The following PKNOX2 variants were observed in gnomAD, a reference collection of about 807,000 sequenced individuals.
PKNOX2 encodes homeobox protein PKNOX2.
In PKNOX2, 14 loss-of-function variants were observed where a neutral mutation model predicts 53.1. The ratio of observed to expected loss-of-function variants is 0.26; its 90% CI spans 0.17 to 0.41. The LOEUF (loss-of-function observed/expected upper bound fraction) is 0.41, where lower values mean the gene tolerates loss of function less well. PKNOX2 is among the 10% of genes least tolerant of loss of function. The pLI, the probability that PKNOX2 is intolerant of heterozygous loss-of-function variation, is 1.00. For missense variants in PKNOX2, 496 were observed against 602.8 expected (o/e 0.82, Z 1.85); for synonymous variants, 257 against 242.8 (o/e 1.06, Z -0.54).
intron 2 of PKNOX2, among the ~76,000 whole-genome samples, chr11:125,244,533 C>T (rs997234755): frequency 2.0e-5 from 3 of 152,236 alleles, no homozygotes; most frequent in Non-Finnish European, 4.4e-5. Flanking sequence ...TTGTGTCTTG[C>T]CTGCTCTAGG....
At chr11:125,391,016 G>A (rs1185620400) in intron 6 of PKNOX2, among the ~76,000 whole-genome samples, 1 of 152,194 alleles carries the variant, frequency 6.6e-6, no homozygotes, top group Non-Finnish European at 1.5e-5. Context: ...AGCATTGGCA[G>A]GCACAGTGAC....
chr11:125,263,634 G>C (rs985970343), intron 2 of PKNOX2, among the ~76,000 whole-genome samples: 12 of 152,380 alleles, frequency 7.9e-5, no homozygotes, highest in African/African-American at 2.9e-4. Context: ...GCGCGGGAGG[G>C]GGAGAGCTGC....
intron 2 of PKNOX2, among the ~76,000 whole-genome samples, chr11:125,284,911 C>T (rs1193764421): frequency 2.0e-5 from 3 of 152,070 alleles, no homozygotes; most frequent in African/African-American, 4.8e-5. Context: ...TATGGGGGCA[C>T]CTCTTGGTCC....
chr11:125,223,190 C>G (rs1941387426), intron 1 of PKNOX2, among the ~76,000 whole-genome samples: 1 of 151,914 alleles, frequency 6.6e-6, no homozygotes, highest in Non-Finnish European at 1.5e-5. Context: ...CCCTCCATAC[C>G]TCAGTTTACC....
chr11:125,390,593 G>A (rs7115517), intron 6 of PKNOX2, among the ~76,000 whole-genome samples: 5,000 of 152,326 alleles, frequency 0.033, 204 homozygotes, highest in African/African-American at 0.094. Context: ...AGCCCCGAGT[G>A]TCTTCTTTGC....
intron 1 of PKNOX2, among the ~76,000 whole-genome samples, chr11:125,197,532 A>G (rs603882): frequency 0.22 from 33,696 of 152,046 alleles, 4,136 homozygotes; most frequent in Admixed American, 0.32. Flanking sequence ...CCCGGTCTTC[A>G]GTAGGAGTCC....
At chr11:125,187,831 G>A (rs1332019143) in intron 1 of PKNOX2, among the ~76,000 whole-genome samples, 2 of 152,176 alleles carry the variant, frequency 1.3e-5, no homozygotes, top group Admixed American at 6.5e-5. Flanking sequence ...CACTCCTAGC[G>A]GCCTGGGCCA....
chr11:125,271,847 G>A (rs1176718056), intron 2 of PKNOX2, among the ~76,000 whole-genome samples: 4 of 152,178 alleles, frequency 2.6e-5, no homozygotes, highest in Non-Finnish European at 5.9e-5. Flanking sequence ...GACTCCATTT[G>A]GAGCCATTGA....
intron 1 of PKNOX2, among the ~76,000 whole-genome samples, chr11:125,182,879 AGAATCCTGGGGCTTTAAGTGT>A (rs1468093076): frequency 6.6e-6 from 1 of 152,230 alleles, no homozygotes; most frequent in Non-Finnish European, 1.5e-5. Flanking sequence ...GCTGAGGGCC[AGAATCCTGGGGCTTTAAGTGT>A]GTCTTTTTCC....
chr11:125,369,833 C>A (rs946610404), intron 5 of PKNOX2, among the ~76,000 whole-genome samples: 6 of 152,214 alleles, frequency 3.9e-5, no homozygotes, highest in Non-Finnish European at 5.9e-5. Context: ...CCTCTGAAAA[C>A]TGCCCGACAG....
intron 1 of PKNOX2, among the ~76,000 whole-genome samples, chr11:125,194,969 G>A (rs971538040): frequency 1.6e-4 from 24 of 152,110 alleles, no homozygotes; most frequent in African/African-American, 5.8e-4. Flanking sequence ...ACGCTCTTAG[G>A]AGGCGGGCTC....
chr11:125,414,016 ACCCATCTCTGT>A (rs1364931535), intron 10 of PKNOX2, among the ~76,000 whole-genome samples: 3 of 152,020 alleles, frequency 2.0e-5, no homozygotes, highest in Admixed American at 6.5e-5. Flanking sequence ...CTGGAGGGTC[ACCCATCTCTGT>A]CCCTCCTGGT....
chr11:125,349,557 G>C (rs573097347), intron 3 of PKNOX2, among the ~76,000 whole-genome samples: 1 of 152,098 alleles, frequency 6.6e-6, no homozygotes, highest in East Asian at 1.9e-4. Flanking sequence ...TTAGCACCGG[G>C]GGAGCCATCC....
At chr11:125,246,917 A>C in intron 2 of PKNOX2, among the ~76,000 whole-genome samples, 1 of 152,170 alleles carries the variant, frequency 6.6e-6, no homozygotes, top group Non-Finnish European at 1.5e-5. Flanking sequence ...TCATCAAAAG[A>C]CTTTAATAAA....
chr11:125,429,179 C>A, intron 11 of PKNOX2, 91 bp downstream of exon 11: 1 of 1,231,538 alleles, frequency 8.1e-7, no homozygotes, highest in Non-Finnish European at 1.2e-6. Flanking sequence ...GACTCGAATG[C>A]CAGGATCTGC....
In PKNOX2 at chr11:125,327,274, A is replaced by T. The variant is rs375740756; in HGVS notation, c.-129-4545A>T. Among the ~76,000 whole-genome samples the T allele has an allele frequency of 4.6e-5, 7 of 152,322 alleles. No homozygotes were observed. In the East Asian group the frequency reaches 9.7e-4, roughly 21 times the overall value. On this transcript the variant is annotated intron_variant, in intron 2 of 12. Transcript: ENST00000298282. ...TGGGGAAGCCAGCCCATGTCCATAG[A>T]CGGGTCCAGTAGAATGAACTTGGAT...
chr11:125,293,187 CACACACACACACAAAT>C (rs1591515782), intron 2 of PKNOX2, among the ~76,000 whole-genome samples: 1 of 151,864 alleles, frequency 6.6e-6, no homozygotes, highest in Non-Finnish European at 1.5e-5. Flanking sequence ...GAAATATTTA[CACACACACACACAAAT>C]ACACACACAC....
chr11:125,299,775 A>G (rs1419699555), intron 2 of PKNOX2, among the ~76,000 whole-genome samples: 1 of 151,872 alleles, frequency 6.6e-6, no homozygotes, highest in African/African-American at 2.4e-5. Context: ...ATATGGCTGG[A>G]TCCCCTCGCA....
rs889500217 is a variant in PKNOX2 at position 125,309,750 on chromosome 11, T to C, written c.-129-22069T>C. On this transcript the variant is annotated intron_variant, in intron 2 of 12. Coordinates refer to ENST00000298282, the MANE Select transcript of PKNOX2 (RefSeq NM_001382323.2). ...TCATCTTCTTGCTTTCAGCCTGTAA[T>C]TTCTGCCTCATGAGCTCTTTCTCAA... 3.3e-5 allele frequency among the ~76,000 whole-genome samples: 5 copies of C among 152,336 alleles called. No homozygotes were observed. The South Asian group carries it at 1.0e-3, about 32-fold the overall frequency.
Sources: gnomAD v4.1 joint callset for allele counts (sites outside exome capture counted in the v4.1 genomes callset) on GRCh38, gnomAD v4.1.1 for gene constraint, MANE v1.5 for transcripts, NCBI Gene and HGNC (gene_info 2026-07-23, HGNC 2026-07-21) for gene names.